RIMS1: variants seen among roughly 807,000 people sequenced by gnomAD.
RIMS1 encodes regulating synaptic membrane exocytosis 1, also known as regulating synaptic membrane exocytosis protein 1.
Under a neutral mutation model 214.1 loss-of-function variants are expected in RIMS1, and 83 were observed. The ratio of observed to expected loss-of-function variants is 0.39; its 90% CI spans 0.32 to 0.47. The LOEUF is 0.47. RIMS1 is among the 20% of genes least tolerant of loss of function. The pLI is 0.99. For missense variants in RIMS1, 2,050 were observed against 2,161.8 expected (o/e 0.95, Z 1.03); for synonymous variants, 793 against 786.8 (o/e 1.01, Z -0.13).
intron 1 of RIMS1, among the ~76,000 whole-genome samples, chr6:71,940,581 T>G (rs1406477522): frequency 6.6e-6 from 1 of 152,196 alleles, no homozygotes; most frequent in Non-Finnish European, 1.5e-5. Flanking sequence ...TATTCAAGAC[T>G]ATTGCAATAA....
Position 71,905,982 on chromosome 6 carries a change from C to A in RIMS1, c.164+18795C>A, listed in dbSNP as rs1002569055. Among the ~76,000 whole-genome samples the A allele has an allele frequency of 4.6e-5, 7 of 152,270 alleles. No homozygotes were observed. In the East Asian group the frequency reaches 1.4e-3, roughly 29 times the overall value. ...AACCAATATTTTGGGGCTATAGGGACAAAGTCCCTGTCCTCCTTATGCCTG... is the reference window on the plus strand; with the variant it reads ...AACCAATATTTTGGGGCTATAGGGAAAAAGTCCCTGTCCTCCTTATGCCTG... On this transcript the variant is annotated intron_variant, in intron 1 of 33. Coordinates refer to ENST00000521978, the MANE Select transcript of RIMS1 (RefSeq NM_014989.7).
At chr6:72,114,821 T>C (rs2036764075) in intron 4 of RIMS1, among the ~76,000 whole-genome samples, 1 of 151,960 alleles carries the variant, frequency 6.6e-6, no homozygotes, top group Admixed American at 6.6e-5. Context: ...TAGCTATTGT[T>C]GTGGAGCTGT....
At position 72,155,328 on chromosome 6, in the gene RIMS1, C is replaced by T. The variant is rs2044295214; in HGVS notation, c.472-24247C>T. On this transcript the variant is annotated intron_variant, in intron 4 of 33. Coordinates refer to ENST00000521978, the MANE Select transcript of RIMS1 (RefSeq NM_014989.7). Reference sequence around the variant, plus strand: ...CAGCACCCAAGTTACCTCTTGAATGCTTTGCTGCTTAGAAATTTCTTCCTC... The same window carrying T: ...CAGCACCCAAGTTACCTCTTGAATGTTTTGCTGCTTAGAAATTTCTTCCTC... Among the ~76,000 whole-genome samples the T allele has an allele frequency of 1.4e-5, 2 of 140,448 alleles. 1 individual carries two copies. The highest frequency in any genetic ancestry group is 3.2e-5 in the Non-Finnish European group (2 of 61,838). 92.1% of individuals were successfully genotyped at this position (140,448 alleles called of 152,430 possible).
intron 9 of RIMS1, among the ~76,000 whole-genome samples, chr6:72,240,443 A>G (rs1012934221): frequency 6.6e-6 from 1 of 151,728 alleles, no homozygotes; most frequent in Non-Finnish European, 1.5e-5. Context: ...GTATTGTTTC[A>G]TAAATGTTTT....
rs993335323 is a variant in RIMS1, at chr6:72,056,084, A to AG, written c.246-40865_246-40864insG. Among the ~76,000 whole-genome samples the AG allele has an allele frequency of 6.3e-4, 4 of 6,384 alleles. No individual in the cohort carries two copies. In the African/African-American group the frequency reaches 0.021, roughly 33 times the overall value. 4.2% of individuals were successfully genotyped at this position (6,384 alleles called of 152,430 possible). On this transcript the variant is annotated intron_variant, in intron 2 of 33. Coordinates refer to ENST00000521978, the MANE Select transcript of RIMS1 (RefSeq NM_014989.7). ...GCACCATGGAATACTATGCAGCCAT[A>AG]AAAAAAAAGAGATCATGCCCTTTGC...
At chr6:72,097,277 TA>T in intron 3 of RIMS1, 115 bp downstream of exon 3, 1 of 831,916 alleles carries the variant, frequency 1.2e-6, no homozygotes. Context: ...ACATACACGT[TA>T]AAATGAACCT....
intron 6 of RIMS1, among the ~76,000 whole-genome samples, chr6:72,196,377 G>GTCTGTCTGTCTATCTATCTA (rs1554269277): frequency 1.9e-4 from 28 of 144,090 alleles, no homozygotes; most frequent in South Asian, 6.7e-4. Context: ...CTGTCTGTCT[G>GTCTGTCTGTCTATCTATCTA]TCTATCTATC....
At chr6:71,956,432 C>CT (rs1406678256) in intron 1 of RIMS1, among the ~76,000 whole-genome samples, 1 of 151,996 alleles carries the variant, frequency 6.6e-6, no homozygotes, top group Non-Finnish European at 1.5e-5. Context: ...TTATAGTAAA[C>CT]TTTAAGTTTT....
intron 29 of RIMS1, among the ~76,000 whole-genome samples, chr6:72,371,747 G>C (rs957393155): frequency 2.0e-5 from 3 of 152,108 alleles, no homozygotes; most frequent in Non-Finnish European, 4.4e-5. Context: ...AGATAGACGA[G>C]CCCCTTAGCC....
At chr6:72,209,391 C>A (rs1363317525) in intron 6 of RIMS1, among the ~76,000 whole-genome samples, 1 of 152,150 alleles carries the variant, frequency 6.6e-6, no homozygotes, top group East Asian at 1.9e-4. Flanking sequence ...GGTTCTCAAT[C>A]CTGGAAGAAA....
Position 72,182,965 on chromosome 6 carries a change from C to T in RIMS1, c.1494C>T (p.Asn498=), listed in dbSNP as rs779786793. The T allele has an allele frequency of 1.4e-5, 22 of 1,593,620 alleles. No homozygotes were observed. The highest frequency in any genetic ancestry group is 1.8e-5 in the Non-Finnish European group (21 of 1,171,238). The stretch of plus-strand genomic sequence containing the variant: ...AGAAGGTGGAGACCATGCTGCGGAA[C>T]GACTCTTTGAGCTCAGACCAGTCCG... ...KREKVETMLR[N]DSLSSDQSES... is the part of the protein sequence containing the mutation. Residue 498 remains asparagine, a synonymous_variant, in exon 6 of 34, where the codon AAC becomes AAT. Transcript: ENST00000521978.
intron 4 of RIMS1, among the ~76,000 whole-genome samples, chr6:72,124,636 A>G (rs894134361): frequency 2.0e-5 from 3 of 147,674 alleles, no homozygotes; most frequent in Non-Finnish European, 4.6e-5. Context: ...GATTTCATCT[A>G]TTCCCATAAT....
At chr6:71,973,617 A>G (rs1796428677) in intron 2 of RIMS1, among the ~76,000 whole-genome samples, 1 of 152,132 alleles carries the variant, frequency 6.6e-6, no homozygotes, top group South Asian at 2.1e-4. Flanking sequence ...TCCTACCAAG[A>G]TGTCAGGAGA....
chr6:72,274,060 A>C (rs1377158444), intron 22 of RIMS1, among the ~76,000 whole-genome samples: 1 of 152,230 alleles, frequency 6.6e-6, no homozygotes, highest in African/African-American at 2.4e-5. Context: ...AAATATGCAC[A>C]TAGAAGCACA....
intron 8 of RIMS1, 47 bp downstream of exon 8, chr6:72,235,775 T>C (rs1342720858): frequency 9.5e-7 from 1 of 1,051,508 alleles, no homozygotes; most frequent in Non-Finnish European, 1.3e-6. Flanking sequence ...AATTACAGTA[T>C]GGTCTGCATT....
chr6:72,139,914 T>G (rs1366856531), intron 4 of RIMS1, among the ~76,000 whole-genome samples: 1 of 152,148 alleles, frequency 6.6e-6, no homozygotes, highest in East Asian at 1.9e-4. Flanking sequence ...GGCCTTAATT[T>G]TACATAAGAG....
intron 6 of RIMS1, among the ~76,000 whole-genome samples, chr6:72,207,240 ACTT>A (rs1383343058): frequency 6.6e-6 from 1 of 152,224 alleles, no homozygotes; most frequent in Non-Finnish European, 1.5e-5. Flanking sequence ...TTTTCAAAAT[ACTT>A]CTCACATAGA....
At chr6:72,256,491 A>C (rs907885021) in intron 16 of RIMS1, among the ~76,000 whole-genome samples, 13 of 152,086 alleles carry the variant, frequency 8.5e-5, no homozygotes, top group Non-Finnish European at 1.5e-4. Context: ...AAGATGCCAA[A>C]ATTCTCTAAA....
chr6:72,391,942 A>G (rs750057875), intron 30 of RIMS1, among the ~76,000 whole-genome samples: 18 of 152,240 alleles, frequency 1.2e-4, no homozygotes, highest in Non-Finnish European at 2.4e-4. Flanking sequence ...GGATGGGATT[A>G]TAATCTGTGT....
Sources: gnomAD v4.1 joint callset for allele counts (sites outside exome capture counted in the v4.1 genomes callset) on GRCh38, gnomAD v4.1.1 for gene constraint, MANE v1.5 for transcripts, NCBI Gene and HGNC (gene_info 2026-07-23, HGNC 2026-07-21) for gene names.